The following TDRD5 variants were observed in gnomAD, a reference collection of about 807,000 sequenced individuals.
The protein encoded by TDRD5 is tudor domain-containing protein 5.
TDRD5 carries 41 observed loss-of-function variants against 120.6 expected under a neutral mutation model. The ratio of observed to expected loss-of-function variants is 0.34; its 90% CI spans 0.26 to 0.44. TDRD5 has a LOEUF of 0.44. Among genes scored for constraint, TDRD5 ranks in the 20% least tolerant of loss-of-function variants. TDRD5 has a pLI of 1.00. For missense variants in TDRD5, 1,006 were observed against 1,221.2 expected, an observed-to-expected ratio of 0.82 and a Z score of 2.63; for synonymous variants, 430 against 433.7, an observed-to-expected ratio of 0.99 and a Z score of 0.11.
intron 17 of TDRD5, among the ~76,000 whole-genome samples, chr1:179,678,071 T>G (rs1207140703): frequency 6.6e-6 from 1 of 151,966 alleles, no homozygotes; most frequent in Non-Finnish European, 1.5e-5. Context: ...TGGGAAGGGC[T>G]TGCTGCGGCT....
At chr1:179,661,813 A>G (rs2147759411) in intron 14 of TDRD5, among the ~76,000 whole-genome samples, 1 of 152,264 alleles carries the variant, frequency 6.6e-6, no homozygotes, top group East Asian at 1.9e-4. Flanking sequence ...TTTTTTCACT[A>G]CAAGCTCAGG....
Position 179,592,747 on chromosome 1 carries a change from A to C in TDRD5, c.132A>C (p.Pro44=). The change falls in exon 2 of 18, where the codon CCA becomes CCC. Residue 44 remains proline (P), a synonymous_variant. Coordinates refer to ENST00000444136, the MANE Select transcript of TDRD5 (RefSeq NM_001199085.3). ...EYLLMVGNHL[P]LRILGYRSTM... is the part of the protein sequence containing the mutation. ...TTTTGATGGTTGGCAACCATCTACC[A>C]CTCCGAATCCTTGGGTATCGGTCCA... The C allele has an allele frequency of 6.2e-7, 1 of 1,613,340 alleles. No individual in the cohort carries two copies. The highest frequency in any genetic ancestry group is 1.7e-4 in the Middle Eastern group (1 of 6,060).
At chr1:179,674,357 A>G (rs573872785) in intron 17 of TDRD5, among the ~76,000 whole-genome samples, 28 of 152,206 alleles carry the variant, frequency 1.8e-4, no homozygotes, top group South Asian at 1.7e-3. Context: ...TTATTGACTT[A>G]TGTTAAACCA....
chr1:179,655,205 T>C (rs1678934563), intron 14 of TDRD5, among the ~76,000 whole-genome samples: 1 of 152,220 alleles, frequency 6.6e-6, no homozygotes, highest in African/African-American at 2.4e-5. Context: ...GATTTCCCAC[T>C]GTGAAAGATG....
chr1:179,645,891 C>G (rs1484539185), intron 11 of TDRD5, among the ~76,000 whole-genome samples: 1 of 152,028 alleles, frequency 6.6e-6, no homozygotes, highest in African/African-American at 2.4e-5. Context: ...ATATAACTAT[C>G]ATTTTCTATT....
rs546718062 is a variant in TDRD5 at position 179,602,555 on chromosome 1, A to G, written c.831+6737A>G. On this transcript the variant is annotated intron_variant, in intron 4 of 17. Transcript: ENST00000444136. ...ATCCATCTTGAGTTGATTTTTGTGT[A>G]AGGTGAGAGATGAGGATCCAGTTTC... Among the ~76,000 whole-genome samples, 173 of 152,272 alleles carry G rather than the reference A, an allele frequency of 1.1e-3. 1 individual carries two copies. The highest frequency in any genetic ancestry group is 6.8e-3 in the Middle Eastern group (2 of 294).
chr1:179,603,717 G>C (rs888019174), intron 4 of TDRD5, among the ~76,000 whole-genome samples: 8 of 152,086 alleles, frequency 5.3e-5, no homozygotes, highest in Admixed American at 6.5e-5. Flanking sequence ...TGCCTCCCTG[G>C]TATGAAACTC....
At chr1:179,595,136 T>C (rs182562172) in intron 3 of TDRD5, among the ~76,000 whole-genome samples, 261 of 152,292 alleles carry the variant, frequency 1.7e-3, no homozygotes, top group African/African-American at 6.0e-3. Flanking sequence ...ATCTTTCATG[T>C]CATGCAACAG....
chr1:179,648,458 G>A (rs867901066), intron 11 of TDRD5, among the ~76,000 whole-genome samples: 3 of 94,544 alleles, frequency 3.2e-5, no homozygotes, highest in East Asian at 4.5e-4. Context: ...GGGGTGGGGG[G>A]GGGGAGGGAT....
At position 179,651,034 on chromosome 1, in the gene TDRD5, T is replaced by C. The variant is rs1362560710; in HGVS notation, c.1968T>C (p.His656=). ...ATCATGTCTTGAGAACAGAGGGCCATGCTATTGTATGCCGAGAAAATATCT... is the reference window on the plus strand; with the variant it reads ...ATCATGTCTTGAGAACAGAGGGCCACGCTATTGTATGCCGAGAAAATATCT... ...YFHHVLRTEG[H]AIVCRENISS... is the part of the protein sequence containing the mutation. Residue 656 remains histidine (H), a synonymous_variant, in exon 12 of 18, where the codon CAT becomes CAC. Coordinates refer to ENST00000444136, the MANE Select transcript of TDRD5 (RefSeq NM_001199085.3). 5 of 1,614,024 alleles carry C rather than the reference T, an allele frequency of 3.1e-6. No homozygotes were observed. The highest frequency in any genetic ancestry group is 4.2e-6 in the Non-Finnish European group (5 of 1,180,010).
At chr1:179,664,303 C>T (rs1396448196) in intron 16 of TDRD5, among the ~76,000 whole-genome samples, 1 of 151,720 alleles carries the variant, frequency 6.6e-6, no homozygotes, top group Non-Finnish European at 1.5e-5. Context: ...TTTTTAAATA[C>T]AGCTTTATTG....
chr1:179,659,081 G>T (rs6691856), intron 14 of TDRD5, among the ~76,000 whole-genome samples: 51,743 of 151,900 alleles, frequency 0.34, 9,010 homozygotes, highest in Admixed American at 0.42. Flanking sequence ...TTCCTGTTAC[G>T]TCTTTCCAGT....
intron 15 of TDRD5, 26 bp downstream of exon 15, chr1:179,662,312 C>G (rs1320998796): frequency 2.5e-6 from 4 of 1,593,872 alleles, no homozygotes; most frequent in Non-Finnish European, 3.4e-6. Context: ...AAATAGAAAG[C>G]AAATCAGGCC....
chr1:179,684,063 T>C (rs541202334), intron 17 of TDRD5, among the ~76,000 whole-genome samples: 80 of 152,312 alleles, frequency 5.3e-4, no homozygotes, highest in African/African-American at 1.9e-3. Context: ...TTTTTTTTAT[T>C]ATACTTTAAG....
At chr1:179,635,414 T>C (rs1677710934) in intron 8 of TDRD5, among the ~76,000 whole-genome samples, 6 of 152,224 alleles carry the variant, frequency 3.9e-5, no homozygotes, top group Admixed American at 3.9e-4. Flanking sequence ...CTATACCTAA[T>C]GTCATAAGGT....
At chr1:179,685,258 A>G (rs953943301) in intron 17 of TDRD5, among the ~76,000 whole-genome samples, 1 of 152,206 alleles carries the variant, frequency 6.6e-6, no homozygotes, top group Non-Finnish European at 1.5e-5. Flanking sequence ...AGCTTTCTAC[A>G]TATGGCTAGC....
At chr1:179,681,713 G>A (rs1302411662) in intron 17 of TDRD5, among the ~76,000 whole-genome samples, 2 of 151,368 alleles carry the variant, frequency 1.3e-5, no homozygotes, top group African/African-American at 2.4e-5. Context: ...TGTTGGATTT[G>A]GTCCACAGGA....
At chr1:179,618,535 A>C in intron 4 of TDRD5, 64 bp from the exon 5 acceptor site, 13 of 1,246,942 alleles carry the variant, frequency 1.0e-5, no homozygotes, top group Non-Finnish European at 1.5e-5. Context: ...TATTGCTTAG[A>C]TCTACCTTTG....
At chr1:179,615,143 T>C (rs768435437) in intron 4 of TDRD5, among the ~76,000 whole-genome samples, 1 of 152,110 alleles carries the variant, frequency 6.6e-6, no homozygotes, top group Non-Finnish European at 1.5e-5. Context: ...TTCATTATAA[T>C]AATTGTAATT....
Sources: gnomAD v4.1 joint callset for allele counts (sites outside exome capture counted in the v4.1 genomes callset) on GRCh38, gnomAD v4.1.1 for gene constraint, MANE v1.5 for transcripts, NCBI Gene and HGNC (gene_info 2026-07-23, HGNC 2026-07-21) for gene names.